The following RANBP2 variants were observed in gnomAD, a reference collection of about 807,000 sequenced individuals.
RANBP2 encodes RAN binding protein 2.
Under a neutral mutation model 303.6 loss-of-function variants are expected in RANBP2, and 57 were observed. The observed-to-expected ratio is 0.19, with a 90% CI of 0.15 to 0.23. The LOEUF (loss-of-function observed/expected upper bound fraction) is 0.23, where lower values mean the gene tolerates loss of function less well. RANBP2 is among the 10% of genes least tolerant of loss of function. RANBP2 has a pLI of 1.00. For missense variants in RANBP2, 3,138 were observed against 3,780.8 expected (o/e 0.83, Z 4.46); for synonymous variants, 1,167 against 1,301.5 (o/e 0.90, Z 2.23).
the RANBP2 span, among the ~76,000 whole-genome samples, chr2:109,649,361 T>C: frequency 6.6e-6 from 1 of 152,176 alleles, no homozygotes; most frequent in Non-Finnish European, 1.5e-5. Context: ...AAATCTATTG[T>C]AGGGATTTAA....
chr2:109,161,609 C>G, the RANBP2 span, among the ~76,000 whole-genome samples: 1 of 151,904 alleles, frequency 6.6e-6, no homozygotes, highest in African/African-American at 2.4e-5. Flanking sequence ...ATTCTGCTGA[C>G]TGGAAGACTG....
chr2:109,350,335 C>T, the RANBP2 span, among the ~76,000 whole-genome samples: 3 of 152,168 alleles, frequency 2.0e-5, no homozygotes, highest in African/African-American at 7.2e-5. Flanking sequence ...GGATCTGTGA[C>T]GGCTCCCACA....
At chr2:109,056,935 C>G in the RANBP2 span, among the ~76,000 whole-genome samples, 1 of 152,196 alleles carries the variant, frequency 6.6e-6, no homozygotes, top group Non-Finnish European at 1.5e-5. Context: ...CCTGAAGTTG[C>G]TGGTAGGAGG....
At chr2:108,921,024 C>A in the RANBP2 span, among the ~76,000 whole-genome samples, 2 of 152,314 alleles carry the variant, frequency 1.3e-5, no homozygotes, top group East Asian at 3.9e-4. Context: ...CTCTGGCTCA[C>A]CCAGACCTGA....
At chr2:109,307,772 C>T in the RANBP2 span, among the ~76,000 whole-genome samples, 2 of 148,478 alleles carry the variant, frequency 1.3e-5, no homozygotes, top group African/African-American at 2.5e-5. Flanking sequence ...TTTATGGCTG[C>T]ATAGTACTCC....
At chr2:109,385,197 G>C in the RANBP2 span, among the ~76,000 whole-genome samples, 1 of 152,094 alleles carries the variant, frequency 6.6e-6, no homozygotes, top group Non-Finnish European at 1.5e-5. Context: ...TTCCTCATCT[G>C]TGTAATGGGA....
At chr2:109,675,103 G>T in the RANBP2 span, among the ~76,000 whole-genome samples, 1 of 152,082 alleles carries the variant, frequency 6.6e-6, no homozygotes, top group East Asian at 1.9e-4. Context: ...CAGTAAGCTC[G>T]ACCACAGGCA....
At chr2:108,836,644 G>A in the RANBP2 span, among the ~76,000 whole-genome samples, 4 of 152,108 alleles carry the variant, frequency 2.6e-5, no homozygotes, top group African/African-American at 7.2e-5. Flanking sequence ...TCTGTAGATC[G>A]CTTTGGGTAG....
the RANBP2 span, among the ~76,000 whole-genome samples, chr2:109,022,259 ACG>A: frequency 1.3e-5 from 2 of 152,048 alleles, no homozygotes; most frequent in African/African-American, 2.4e-5. Flanking sequence ...CCAATACTAA[ACG>A]CCTCAATAAC....
the RANBP2 span, among the ~76,000 whole-genome samples, chr2:109,222,898 A>G: frequency 6.6e-6 from 1 of 152,244 alleles, no homozygotes; most frequent in Admixed American, 6.5e-5. Context: ...CGTGTATCCC[A>G]CATGGGGACT....
chr2:108,834,716 A>T, the RANBP2 span, among the ~76,000 whole-genome samples: 1 of 152,188 alleles, frequency 6.6e-6, no homozygotes, highest in African/African-American at 2.4e-5. Context: ...ATTTTTCATT[A>T]TCTGAAACAA....
chr2:108,914,264 AAAAAATAAAAT>A, the RANBP2 span, among the ~76,000 whole-genome samples: 35 of 152,202 alleles, frequency 2.3e-4, no homozygotes, highest in East Asian at 3.9e-3. Context: ...TTGTCTCAAA[AAAAAATAAAAT>A]AAAAATAAAA....
the RANBP2 span, among the ~76,000 whole-genome samples, chr2:109,069,530 A>T: frequency 6.6e-6 from 1 of 152,216 alleles, no homozygotes; most frequent in Non-Finnish European, 1.5e-5. Context: ...ATAGCCTAAG[A>T]GCCTTTGGCT....
At chr2:109,137,565 C>G in the RANBP2 span, among the ~76,000 whole-genome samples, 1 of 152,206 alleles carries the variant, frequency 6.6e-6, no homozygotes, top group Non-Finnish European at 1.5e-5. Flanking sequence ...CAAAGCACAC[C>G]ACCTTAGGTG....
chr2:109,014,897 G>A, the RANBP2 span, among the ~76,000 whole-genome samples: 4 of 152,074 alleles, frequency 2.6e-5, no homozygotes, highest in African/African-American at 7.2e-5. Flanking sequence ...CCAGGTGGGC[G>A]GATCACGAGG....
chr2:109,245,879 G>C, the RANBP2 span, among the ~76,000 whole-genome samples: 162 of 152,264 alleles, frequency 1.1e-3, 1 homozygote, highest in Non-Finnish European at 5.9e-5. Flanking sequence ...TTGAAATCTA[G>C]AGTACTTAAC....
At chr2:109,397,413 T>C in the RANBP2 span, among the ~76,000 whole-genome samples, 2 of 152,270 alleles carry the variant, frequency 1.3e-5, no homozygotes, top group African/African-American at 2.4e-5. Context: ...GATTCTAGTA[T>C]CATAGTTTCT....
the RANBP2 span, among the ~76,000 whole-genome samples, chr2:109,685,139 C>A: frequency 6.6e-6 from 1 of 152,302 alleles, no homozygotes; most frequent in East Asian, 1.9e-4. Flanking sequence ...TCCCAAAGTG[C>A]TGGGATTACA....
At chr2:109,651,051 G>A in the RANBP2 span, among the ~76,000 whole-genome samples, 6 of 151,996 alleles carry the variant, frequency 3.9e-5, no homozygotes, top group Admixed American at 1.3e-4. Flanking sequence ...AGTTCTACCC[G>A]TATTTAACTC....
Sources: gnomAD v4.1 joint callset for allele counts (sites outside exome capture counted in the v4.1 genomes callset) on GRCh38, gnomAD v4.1.1 for gene constraint, MANE v1.5 for transcripts, NCBI Gene and HGNC (gene_info 2026-07-23, HGNC 2026-07-21) for gene names.